The following LMNB1 variants were observed in gnomAD, a reference collection of about 807,000 sequenced individuals.
LMNB1 encodes lamin B1, also known as lamin-B1.
Under a neutral mutation model 67.1 loss-of-function variants are expected in LMNB1, and 23 were observed. The ratio of observed to expected loss-of-function variants is 0.34; its 90% CI spans 0.25 to 0.49. The LOEUF is 0.49. Among genes scored for constraint, LMNB1 ranks in the 20% least tolerant of loss-of-function variants. The probability of loss-of-function intolerance (pLI) is 0.99; values close to 1 mark genes in which losing one functional copy is unlikely to be tolerated. For synonymous variants in LMNB1, 281 were observed against 282.9 expected, an observed-to-expected ratio of 0.99 and a Z score of 0.07; for missense variants, 634 against 746.5, an observed-to-expected ratio of 0.85 and a Z score of 1.76.
intron 1 of LMNB1, among the ~76,000 whole-genome samples, chr5:126,800,982 A>ATATATTTTTTTTTT: frequency 1.1e-3 from 21 of 18,628 alleles, no homozygotes; most frequent in South Asian, 5.6e-3. Flanking sequence ...TATATATATA[A>ATATATTTTTTTTTT]TTTTTTTTTT....
Position 126,810,227 on chromosome 5 carries a change from G to A in LMNB1, c.690G>A (p.Val230=), listed in dbSNP as rs191400817. The A allele has an allele frequency of 2.5e-6, 4 of 1,613,842 alleles. No homozygotes were observed. The African/African-American group carries it at 5.3e-5, about 22-fold the overall frequency. ...RRKHETRLVE[V]DSGRQIEYEY... Reference sequence around the variant, plus strand: ...AGCATGAAACGCGCTTGGTAGAGGTGGATTCTGGGCGTCAAATTGAGTATG... The same window carrying A: ...AGCATGAAACGCGCTTGGTAGAGGTAGATTCTGGGCGTCAAATTGAGTATG... The change falls in exon 4 of 11, where the codon GTG becomes GTA. Residue 230 remains valine, a synonymous_variant. Coordinates refer to ENST00000261366, the MANE Select transcript of LMNB1 (RefSeq NM_005573.4).
At position 126,796,786 on chromosome 5, in the gene LMNB1, CT is replaced by C. The variant is rs34534973; in HGVS notation, c.360-7970del. 8.0e-3 allele frequency among the ~76,000 whole-genome samples: 949 copies of C among 118,716 alleles called. 1 individual carries two copies. The highest frequency in any genetic ancestry group is 0.02 in the African/African-American group (648 of 32,412). 77.9% of individuals were successfully genotyped at this position (118,716 alleles called of 152,430 possible). ...TTCTTTTTCTTTTTCTTTTTTCTTTCTTTTTTTTTTTTTTTTTTTTGAGATA... is the reference window on the plus strand; with the variant it reads ...TTCTTTTTCTTTTTCTTTTTTCTTTCTTTTTTTTTTTTTTTTTTTGAGATA... On this transcript the variant is annotated intron_variant, in intron 1 of 10. Coordinates refer to ENST00000261366, the MANE Select transcript of LMNB1 (RefSeq NM_005573.4).
intron 1 of LMNB1, among the ~76,000 whole-genome samples, chr5:126,779,425 T>C (rs1293869750): frequency 6.6e-6 from 1 of 152,242 alleles, no homozygotes; most frequent in Non-Finnish European, 1.5e-5. Context: ...GTCAGTTAAC[T>C]CACACTATTA....
At chr5:126,815,905 A>G (rs549549214) in intron 5 of LMNB1, among the ~76,000 whole-genome samples, 1 of 152,294 alleles carries the variant, frequency 6.6e-6, no homozygotes, top group East Asian at 1.9e-4. Context: ...TCCCTCTTAA[A>G]GAGCTCTACA....
At chr5:126,830,901 AT>A (rs1254403992) in intron 9 of LMNB1, among the ~76,000 whole-genome samples, 10 of 152,202 alleles carry the variant, frequency 6.6e-5, no homozygotes, top group East Asian at 3.9e-4. Context: ...AAAGAATCAC[AT>A]TTTTTTTATT....
chr5:126,785,536 G>A (rs1750758802), intron 1 of LMNB1, among the ~76,000 whole-genome samples: 1 of 138,212 alleles, frequency 7.2e-6, no homozygotes, highest in South Asian at 2.3e-4. Context: ...GCCCAGGCTT[G>A]TCTTGAACTC....
At chr5:126,831,170 A>G (rs1465236387) in intron 9 of LMNB1, among the ~76,000 whole-genome samples, 3 of 152,228 alleles carry the variant, frequency 2.0e-5, no homozygotes, top group Non-Finnish European at 4.4e-5. Flanking sequence ...TTTCTCTGCC[A>G]TTGTAAACTA....
chr5:126,832,899 G>A (rs1752169404), intron 10 of LMNB1, 98 bp downstream of exon 10: 1 of 699,430 alleles, frequency 1.4e-6, no homozygotes, highest in East Asian at 3.2e-5. Context: ...ATCAGTTGAT[G>A]AACCAGCGCA....
intron 1 of LMNB1, among the ~76,000 whole-genome samples, chr5:126,800,644 CT>C (rs35363581): frequency 5.8e-3 from 313 of 53,906 alleles, no homozygotes; most frequent in South Asian, 0.011. Flanking sequence ...ACTGTATCTT[CT>C]TTTTTTTTTT....
chr5:126,817,538 A>G (rs1048354918), intron 5 of LMNB1, among the ~76,000 whole-genome samples: 1 of 152,086 alleles, frequency 6.6e-6, no homozygotes, highest in Non-Finnish European at 1.5e-5. Flanking sequence ...ATTCATACAG[A>G]TGTCTCTGAC....
At chr5:126,827,321 A>G (rs1356244650) in intron 9 of LMNB1, among the ~76,000 whole-genome samples, 1 of 152,230 alleles carries the variant, frequency 6.6e-6, no homozygotes, top group Non-Finnish European at 1.5e-5. Context: ...TAAGGGAGCC[A>G]GGGAATAAGA....
At chr5:126,827,401 T>G (rs1014914992) in intron 9 of LMNB1, among the ~76,000 whole-genome samples, 1 of 152,246 alleles carries the variant, frequency 6.6e-6, no homozygotes, top group Non-Finnish European at 1.5e-5. Flanking sequence ...GGCTCATGCC[T>G]GTAATCCCAG....
At chr5:126,789,186 G>A (rs1750887982) in intron 1 of LMNB1, among the ~76,000 whole-genome samples, 2 of 151,922 alleles carry the variant, frequency 1.3e-5, no homozygotes, top group South Asian at 2.1e-4. Context: ...TGTGTCTGGC[G>A]GGAGGGAGGC....
chr5:126,776,736 T>C (rs1750454542), upstream of LMNB1: 1 of 152,128 alleles, frequency 6.6e-6, no homozygotes. Context: ...GTGTGGGCGG[T>C]GGCGCAGATC....
intron 7 of LMNB1, among the ~76,000 whole-genome samples, chr5:126,821,704 T>C (rs534678133): frequency 1.3e-5 from 2 of 152,204 alleles, no homozygotes; most frequent in Non-Finnish European, 2.9e-5. Context: ...GCTGGGGCTT[T>C]CGGGAGCTCT....
intron 1 of LMNB1, 80 bp downstream of exon 1, chr5:126,777,947 C>A: frequency 1.5e-6 from 2 of 1,318,754 alleles, no homozygotes; most frequent in South Asian, 1.7e-5. Context: ...CGGGTTCTGC[C>A]GTGGGGAGGG....
At chr5:126,782,353 ATAGATAGAGTTAGGG>A (rs752088473) in intron 1 of LMNB1, among the ~76,000 whole-genome samples, 3 of 152,196 alleles carry the variant, frequency 2.0e-5, no homozygotes, top group African/African-American at 4.8e-5. Context: ...AGTGGGGTTT[ATAGATAGAGTTAGGG>A]TAGATAGAGT....
At position 126,777,790 on chromosome 5, in the gene LMNB1, C is replaced by G; in HGVS notation, c.282C>G (p.Asp94Glu). The G allele has an allele frequency of 1.3e-6, 2 of 1,501,570 alleles. No homozygotes were observed. Among genetic ancestry groups the G allele is most frequent in the Non-Finnish European group, 1.8e-6 (2 of 1,122,762 alleles). The allele number at this position is 1,501,570 out of a possible 1,614,324, so 93.0% of individuals were successfully genotyped here. Residue 94 changes from aspartate (D) to glutamate (E), a missense_variant, in exon 1 of 11, where the codon GAC becomes GAG. Asp to Glu is a conservative substitution (Grantham distance 45, BLOSUM62 2). Transcript: ENST00000261366. The part of the protein sequence containing the change: ...TELADARRAL[D>E]DTARERAKLQ... Reference sequence around the variant, plus strand: ...TGGCCGACGCGCGACGCGCGCTCGACGACACGGCCCGCGAGCGCGCCAAGC... The same window carrying G: ...TGGCCGACGCGCGACGCGCGCTCGAGGACACGGCCCGCGAGCGCGCCAAGC...
chr5:126,835,669 T>C (rs576482708), intron 10 of LMNB1, among the ~76,000 whole-genome samples: 5 of 152,360 alleles, frequency 3.3e-5, no homozygotes, highest in Non-Finnish European at 5.9e-5. Flanking sequence ...GAAATTCTTA[T>C]TTGATTGATC....
Sources: gnomAD v4.1 joint callset for allele counts (sites outside exome capture counted in the v4.1 genomes callset) on GRCh38, gnomAD v4.1.1 for gene constraint, MANE v1.5 for transcripts, NCBI Gene and HGNC (gene_info 2026-07-23, HGNC 2026-07-21) for gene names.